Variants in VWA3A observed in about 807,000 individuals in gnomAD.
VWA3A encodes the protein von Willebrand factor A domain-containing protein 3A.
In VWA3A, 134 loss-of-function variants were observed where a neutral mutation model predicts 160.4. The observed-to-expected ratio is 0.84, with a 90% CI of 0.73 to 0.96. The LOEUF (loss-of-function observed/expected upper bound fraction) is 0.96. VWA3A is among the 40% of genes least tolerant of loss of function. The probability of loss-of-function intolerance (pLI) is 0.00; values close to 1 mark genes in which losing one functional copy is unlikely to be tolerated. For missense variants in VWA3A, 1,310 were observed against 1,447.9 expected, an observed-to-expected ratio of 0.90 and a Z score of 1.55; for synonymous variants, 476 against 543.4, an observed-to-expected ratio of 0.88 and a Z score of 1.72.
intron 23 of VWA3A, 95 bp from the exon 24 acceptor site, chr16:22,141,487 G>C: frequency 8.7e-7 from 1 of 1,153,546 alleles, no homozygotes; most frequent in Non-Finnish European, 1.3e-6. Flanking sequence ...CTGGGGTGGA[G>C]TATAGCTGAA....
chr16:22,096,736 C>T, intron 1 of VWA3A, 123 bp from the exon 2 acceptor site: 1 of 657,818 alleles, frequency 1.5e-6, no homozygotes, highest in South Asian at 1.9e-5. Context: ...CTAAGTGAGA[C>T]CCTATCTCAA....
intron 9 of VWA3A, among the ~76,000 whole-genome samples, chr16:22,115,732 G>C (rs1272459766): frequency 6.6e-6 from 1 of 151,218 alleles, no homozygotes; most frequent in Middle Eastern, 3.2e-3. Flanking sequence ...AGCTACTTGG[G>C]AGGCTGAGGC....
chr16:22,147,839 A>G (rs933971294), intron 27 of VWA3A, among the ~76,000 whole-genome samples: 2 of 152,226 alleles, frequency 1.3e-5, no homozygotes, highest in Non-Finnish European at 2.9e-5. Flanking sequence ...TCATGGTACT[A>G]TTTAATCCAA....
At chr16:22,134,510 C>T in intron 21 of VWA3A, 72 bp downstream of exon 21, 1 of 1,331,840 alleles carries the variant, frequency 7.5e-7, no homozygotes, top group Non-Finnish European at 1.0e-6. Context: ...ATAACTGCCA[C>T]AAACTGGGTG....
intron 8 of VWA3A, among the ~76,000 whole-genome samples, chr16:22,114,841 C>T (rs1213961903): frequency 6.6e-6 from 1 of 151,312 alleles, no homozygotes; most frequent in Non-Finnish European, 1.5e-5. Context: ...ACTCTGTTGC[C>T]CAGGCTGGAG....
At chr16:22,155,473 C>A in intron 31 of VWA3A, 94 bp from the exon 32 acceptor site, 1 of 1,126,936 alleles carries the variant, frequency 8.9e-7, no homozygotes, top group South Asian at 1.3e-5. Context: ...GGATGGAAAC[C>A]AGAACGTGAT....
At position 22,092,794 on chromosome 16, in the gene VWA3A, A is replaced by G; in HGVS notation, c.14+143A>G. 1.1e-5 allele frequency: 12 copies of G among 1,064,686 alleles called. 2 individuals carry two copies. In the South Asian group the frequency reaches 2.0e-4, roughly 18 times the overall value. The allele number at this position is 1,064,686 out of a possible 1,614,324, so 66.0% of individuals were successfully genotyped here. A position where few individuals can be genotyped will look rare whatever the true frequency, so the allele number is the denominator to read the frequency against. On this transcript the variant is annotated intron_variant, in intron 1 of 33. Coordinates refer to ENST00000389398, the MANE Select transcript of VWA3A (RefSeq NM_173615.5). The stretch of plus-strand genomic sequence containing the variant: ...CCCTACATGCCGAGCATTGGGCTAA[A>G]TGCTGGGGTGCCAGTAGACAAGGAA...
intron 9 of VWA3A, among the ~76,000 whole-genome samples, chr16:22,115,946 A>G (rs1337870469): frequency 9.6e-4 from 11 of 11,432 alleles, no homozygotes; most frequent in African/African-American, 1.9e-3. Flanking sequence ...GGAAGGGAGG[A>G]GGGGGTGGGG....
chr16:22,111,330 T>G (rs2045549651), intron 8 of VWA3A, among the ~76,000 whole-genome samples: 1 of 152,170 alleles, frequency 6.6e-6, no homozygotes, highest in Non-Finnish European at 1.5e-5. Context: ...CTCCCTCTTT[T>G]TTTTTTCAAG....
intron 5 of VWA3A, among the ~76,000 whole-genome samples, chr16:22,101,222 A>G (rs1404877613): frequency 1.3e-5 from 2 of 152,146 alleles, no homozygotes; most frequent in African/African-American, 4.8e-5. Flanking sequence ...ACACCACTGC[A>G]CTCTAGCCTG....
intron 17 of VWA3A, among the ~76,000 whole-genome samples, chr16:22,128,022 G>A (rs927915459): frequency 6.6e-6 from 1 of 152,106 alleles, no homozygotes; most frequent in African/African-American, 2.4e-5. Context: ...TAGGGAGAAA[G>A]GGTGTTCCAG....
intron 23 of VWA3A, among the ~76,000 whole-genome samples, chr16:22,140,517 G>A (rs562680572): frequency 1.6e-4 from 25 of 152,152 alleles, no homozygotes; most frequent in African/African-American, 5.8e-4. Flanking sequence ...GAGTTGGGAG[G>A]ATTGCTTGAG....
chr16:22,133,606 C>T (rs1036839871), intron 20 of VWA3A, among the ~76,000 whole-genome samples: 1 of 140,496 alleles, frequency 7.1e-6, no homozygotes, highest in African/African-American at 2.7e-5. Context: ...GCAGAGATCA[C>T]ACCACTACAC....
chr16:22,148,305 AG>A lies in VWA3A; in HGVS notation c.2984+1del. ...IWEQLRKCCDSFNLLSFAESF... is the reference protein window; with the variant it reads ...IWEQLRKCCDXFNLLSFAESF... The stretch of plus-strand genomic sequence containing the variant: ...GGAACAGCTGCGGAAGTGCTGTGAC[AG>A]GTAGGAGGCGAGGGCTGATCAGGAA... On this transcript the variant is annotated frameshift_variant and splice_region_variant, in exon 28 of 34. Coordinates refer to ENST00000389398, the MANE Select transcript of VWA3A (RefSeq NM_173615.5). LOFTEE classifies it high-confidence loss of function. 1 of 1,593,336 alleles carries A rather than the reference AG, an allele frequency of 6.3e-7. No individual in the cohort carries two copies. Among genetic ancestry groups the A allele is most frequent in the Non-Finnish European group, 8.5e-7 (1 of 1,170,172 alleles).
Position 22,131,288 on chromosome 16 carries a change from T to C in VWA3A, c.1727+9T>C, listed in dbSNP as rs2045943011. ...TTACAAAGTGCCTGGCGGTAGGTTA[T>C]GGGCAGAGACTTCGTGGGGCTGTGT... On this transcript the variant is annotated intron_variant, in intron 18 of 33. Coordinates refer to ENST00000389398, the MANE Select transcript of VWA3A (RefSeq NM_173615.5). The C allele has an allele frequency of 1.2e-6, 2 of 1,613,810 alleles. No homozygotes were observed. Among genetic ancestry groups the C allele is most frequent in the South Asian group, 1.1e-5 (1 of 91,002 alleles).
In VWA3A at chr16:22,110,875, T is replaced by G; in HGVS notation, c.583-13T>G. 6.3e-7 allele frequency: 1 copy of G among 1,594,996 alleles called. No individual in the cohort carries two copies. Among genetic ancestry groups the G allele is most frequent in the East Asian group, 2.3e-5 (1 of 44,060 alleles). On this transcript the variant is annotated splice_polypyrimidine_tract_variant and intron_variant, in intron 7 of 33. Transcript: ENST00000389398. ...CTGGCTGTGGGAGCCAGTGATGTCC[T>G]TTTGTCCAACAGAGCCTCATCGATG...
Position 22,133,137 on chromosome 16 carries a change from G to A in VWA3A, c.2068+42G>A, listed in dbSNP as rs532626205. 1.9e-6 allele frequency: 3 copies of A among 1,578,802 alleles called. No homozygotes were observed. In the South Asian group the frequency reaches 3.4e-5, roughly 18 times the overall value. ...TCATCCCTTCAGCTCATTCCAAACA[G>A]TTGTCTCAGCACCAGCATAGCTCCC... On this transcript the variant is annotated intron_variant, in intron 20 of 33. Transcript: ENST00000389398.
At position 22,139,208 on chromosome 16, in the gene VWA3A, C is replaced by A. The variant is rs570863136; in HGVS notation, c.2292+696C>A. On this transcript the variant is annotated intron_variant, in intron 22 of 33. Transcript: ENST00000389398. ...GAGAGCCTGTGCAGCCGGGTTCTGCCCTCGTTCGGGGAACTCTGCCAGGTT... is the reference window on the plus strand; with the variant it reads ...GAGAGCCTGTGCAGCCGGGTTCTGCACTCGTTCGGGGAACTCTGCCAGGTT... Among the ~76,000 whole-genome samples the A allele has an allele frequency of 2.0e-5, 3 of 152,288 alleles. 1 individual carries two copies. In the South Asian group the frequency reaches 6.2e-4, roughly 32 times the overall value.
At chr16:22,155,070 C>A (rs1555462467) in intron 31 of VWA3A, among the ~76,000 whole-genome samples, 1 of 145,552 alleles carries the variant, frequency 6.9e-6, no homozygotes, top group Non-Finnish European at 1.5e-5. Context: ...GGGAGGATAG[C>A]TTGAGCCCAG....
Sources: allele counts gnomAD v4.1 joint callset (sites outside exome capture counted in the v4.1 genomes callset), GRCh38; gene constraint gnomAD v4.1.1; transcripts MANE v1.5; gene names NCBI Gene and HGNC (gene_info 2026-07-23, HGNC 2026-07-21).